The following SRBD1 variants were observed in gnomAD, a reference collection of about 807,000 sequenced individuals.
SRBD1 encodes S1 RNA-binding domain-containing protein 1.
Under a neutral mutation model 115.3 loss-of-function variants are expected in SRBD1, and 88 were observed. That is an observed-to-expected ratio of 0.76 (90% CI 0.64 to 0.91). The LOEUF (loss-of-function observed/expected upper bound fraction) is 0.91. SRBD1 is among the 40% of genes least tolerant of loss of function. The pLI is 0.00. For missense variants in SRBD1, 1,385 were observed against 1,177.4 expected (o/e 1.18, Z -2.58); for synonymous variants, 509 against 407.7 (o/e 1.25, Z -2.99).
intron 17 of SRBD1, among the ~76,000 whole-genome samples, chr2:45,419,544 T>C (rs1667934188): frequency 6.6e-6 from 1 of 152,258 alleles, no homozygotes; most frequent in Non-Finnish European, 1.5e-5. Context: ...GCAACACTAA[T>C]ACACTCAATG....
At chr2:45,488,860 GA>G (rs928260887) in intron 14 of SRBD1, among the ~76,000 whole-genome samples, 216 of 142,604 alleles carry the variant, frequency 1.5e-3, no homozygotes, top group African/African-American at 2.7e-3. Context: ...ACCACAACAT[GA>G]AAAAAAAAAA....
At chr2:45,423,493 C>T (rs1668065509) in intron 16 of SRBD1, among the ~76,000 whole-genome samples, 1 of 151,976 alleles carries the variant, frequency 6.6e-6, no homozygotes, top group African/African-American at 2.4e-5. Context: ...ACCAACATTG[C>T]CAAAACTGAC....
chr2:45,600,959 T>G (rs974470755), intron 3 of SRBD1, among the ~76,000 whole-genome samples: 6 of 152,152 alleles, frequency 3.9e-5, no homozygotes, highest in Non-Finnish European at 7.3e-5. Flanking sequence ...TTGAAAATAA[T>G]GAACATTAGA....
intron 1 of SRBD1, among the ~76,000 whole-genome samples, chr2:45,606,444 G>C (rs947731736): frequency 6.6e-6 from 1 of 152,166 alleles, no homozygotes. Context: ...ACAGGCATGA[G>C]TCACTGTGCC....
intron 16 of SRBD1, among the ~76,000 whole-genome samples, chr2:45,423,040 T>C (rs958492763): frequency 1.3e-5 from 2 of 152,194 alleles, no homozygotes; most frequent in Admixed American, 6.5e-5. Context: ...ACATTTTATA[T>C]AGAAAATAAT....
chr2:45,575,109 T>C lies in SRBD1; in HGVS notation c.1073-386A>G, dbSNP rs183028664. On this transcript the variant is annotated intron_variant, in intron 7 of 20. Coordinates refer to ENST00000263736, the MANE Select transcript of SRBD1 (RefSeq NM_018079.5). ...ATGAAGTGATTACAAATACTAAAGA[T>C]GTTATGGGAAATATATATTAATAGA... 1.3e-4 allele frequency among the ~76,000 whole-genome samples: 20 copies of C among 152,268 alleles called. No homozygotes were observed. In the East Asian group the frequency reaches 3.3e-3, roughly 25 times the overall value.
At chr2:45,565,919 C>G (rs938968521) in intron 9 of SRBD1, among the ~76,000 whole-genome samples, 8 of 152,208 alleles carry the variant, frequency 5.3e-5, no homozygotes, top group Non-Finnish European at 1.5e-5. Context: ...AGCCATCGCG[C>G]CTGGCCACAA....
intron 12 of SRBD1, 98 bp downstream of exon 12, chr2:45,551,027 T>G: frequency 7.0e-7 from 1 of 1,425,842 alleles, no homozygotes; most frequent in South Asian, 1.5e-5. Flanking sequence ...TTTTAAGCCT[T>G]TAAAATTAAC....
At chr2:45,476,435 A>C (rs1402379071) in intron 16 of SRBD1, among the ~76,000 whole-genome samples, 3 of 152,338 alleles carry the variant, frequency 2.0e-5, no homozygotes, top group East Asian at 3.9e-4. Flanking sequence ...ATGTGACCCA[A>C]GCCTTCTGGA....
chr2:45,433,397 GTTAT>G (rs1170686237), intron 16 of SRBD1, among the ~76,000 whole-genome samples: 5 of 151,938 alleles, frequency 3.3e-5, no homozygotes, highest in African/African-American at 1.2e-4. Context: ...CATATACAAT[GTTAT>G]TTGTCAAATT....
At chr2:45,451,763 A>G (rs893960957) in intron 16 of SRBD1, among the ~76,000 whole-genome samples, 10 of 151,674 alleles carry the variant, frequency 6.6e-5, no homozygotes, top group Non-Finnish European at 1.5e-4. Context: ...AGAGACTTTA[A>G]GTTCATGTAA....
chr2:45,609,150 A>G (rs902585526), intron 1 of SRBD1, among the ~76,000 whole-genome samples: 6 of 152,190 alleles, frequency 3.9e-5, no homozygotes, highest in African/African-American at 7.2e-5. Context: ...TTGACATGCA[A>G]TACACTGCAC....
At chr2:45,408,453 C>A (rs1366465682) in intron 19 of SRBD1, among the ~76,000 whole-genome samples, 2 of 152,176 alleles carry the variant, frequency 1.3e-5, no homozygotes, top group African/African-American at 4.8e-5. Context: ...CCACTAAATA[C>A]TTCACAAATA....
chr2:45,607,508 T>C (rs1674309851), intron 1 of SRBD1, among the ~76,000 whole-genome samples: 1 of 152,124 alleles, frequency 6.6e-6, no homozygotes, highest in Non-Finnish European at 1.5e-5. Flanking sequence ...TTTTCCTAAA[T>C]ATGACTCCTC....
At chr2:45,558,100 A>G (rs1449443144) in intron 10 of SRBD1, among the ~76,000 whole-genome samples, 4 of 152,210 alleles carry the variant, frequency 2.6e-5, no homozygotes, top group Admixed American at 1.3e-4. Flanking sequence ...CATGAAAAAC[A>G]GCAGCACAAT....
chr2:45,442,394 T>G (rs3770254), intron 16 of SRBD1, among the ~76,000 whole-genome samples: 4 of 152,120 alleles, frequency 2.6e-5, no homozygotes, highest in South Asian at 4.1e-4. Context: ...TTAATGTTCA[T>G]TGTAGTAGGA....
chr2:45,573,220 A>T lies in SRBD1; in HGVS notation c.1292T>A (p.Ile431Asn). 6.2e-7 allele frequency: 1 copy of T among 1,608,362 alleles called. No individual in the cohort carries two copies. The highest frequency in any genetic ancestry group is 8.5e-7 in the Non-Finnish European group (1 of 1,178,064). ...TTCTTTATTTACCTGATGATGGTGA[A>T]TGTTTCTTATGTTGCAGGAAAAATG... ...YQHFSCNIRN[I>N]HHHQILAINR... Residue 431 changes from isoleucine to asparagine, a missense_variant, in exon 9 of 21, where the codon ATT becomes AAT. Coordinates refer to ENST00000263736, the MANE Select transcript of SRBD1 (RefSeq NM_018079.5).
At position 45,501,811 on chromosome 2, in the gene SRBD1, T is replaced by C. The variant is rs185901897; in HGVS notation, c.1875-13480A>G. On this transcript the variant is annotated intron_variant, in intron 14 of 20. Coordinates refer to ENST00000263736, the MANE Select transcript of SRBD1 (RefSeq NM_018079.5). Reference sequence around the variant, plus strand: ...GCTGGGAAGCTCGAACTGGGTGGAGTCCACCGCAGCTCAAGGAGGCCTGCC... The same window carrying C: ...GCTGGGAAGCTCGAACTGGGTGGAGCCCACCGCAGCTCAAGGAGGCCTGCC... Among the ~76,000 whole-genome samples the C allele has an allele frequency of 3.7e-3, 561 of 151,812 alleles. 10 individuals carry two copies. Among genetic ancestry groups the C allele is most frequent in the African/African-American group, 0.013 (534 of 41,386 alleles).
chr2:45,560,673 ACTAT>A (rs1312031059), intron 10 of SRBD1, among the ~76,000 whole-genome samples: 2 of 152,212 alleles, frequency 1.3e-5, no homozygotes, highest in Non-Finnish European at 2.9e-5. Flanking sequence ...CCTCTATGAA[ACTAT>A]CTTAGAGTTT....
Sources: allele counts gnomAD v4.1 joint callset (sites outside exome capture counted in the v4.1 genomes callset), GRCh38; gene constraint gnomAD v4.1.1; transcripts MANE v1.5; gene names NCBI Gene and HGNC (gene_info 2026-07-23, HGNC 2026-07-21).